Variants in CCDC171 observed in about 807,000 individuals in gnomAD.
CCDC171 encodes coiled-coil domain containing 171, also known as coiled-coil domain-containing protein 171.
In CCDC171, 177 loss-of-function variants were observed where a neutral mutation model predicts 168.2. That is an observed-to-expected ratio of 1.05 (90% confidence interval 0.93 to 1.19). CCDC171 has a LOEUF of 1.19. CCDC171 is among the 50% of genes most tolerant of loss of function. CCDC171 has a pLI of 0.00. For missense variants in CCDC171, 1,991 were observed against 1,539.0 expected (o/e 1.29, Z -4.91); for synonymous variants, 687 against 540.8 (o/e 1.27, Z -3.75).
rs144170064 is a variant in CCDC171, at chr9:15,738,052, T to C, written c.2050-6221T>C. Among the ~76,000 whole-genome samples, 222 of 152,336 alleles carry C rather than the reference T, an allele frequency of 1.5e-3. 1 individual carries two copies. The East Asian group carries it at 0.021, about 15-fold the overall frequency. On this transcript the variant is annotated intron_variant, in intron 16 of 25. Coordinates refer to ENST00000380701, the MANE Select transcript of CCDC171 (RefSeq NM_173550.4). ...TTAAAAAGGCAAGATATGAAACTTA[T>C]AAAAATAAGACACTTTAAATGAAGT...
chr9:15,664,238 C>T (rs534565451), intron 8 of CCDC171, among the ~76,000 whole-genome samples: 4 of 152,192 alleles, frequency 2.6e-5, no homozygotes, highest in Non-Finnish European at 4.4e-5. Flanking sequence ...AACAAAACTA[C>T]ACTTTTACAC....
chr9:15,692,975 A>G (rs1348639037), intron 10 of CCDC171, among the ~76,000 whole-genome samples: 3 of 152,016 alleles, frequency 2.0e-5, no homozygotes, highest in Non-Finnish European at 4.4e-5. Flanking sequence ...CTTCTCTACT[A>G]GAAATACAAA....
chr9:16,022,068 C>T (rs367976165), intron 4 of CCDC171, among the ~76,000 whole-genome samples: 131 of 152,242 alleles, frequency 8.6e-4, no homozygotes, highest in African/African-American at 2.9e-3. Context: ...GGACAGTTTA[C>T]AGAACAAGGG....
chr9:15,743,381 A>G (rs2055030484), intron 16 of CCDC171, among the ~76,000 whole-genome samples: 1 of 151,862 alleles, frequency 6.6e-6, no homozygotes, highest in Non-Finnish European at 1.5e-5. Context: ...TATGTTGCCC[A>G]GGATGGTCTC....
At chr9:15,685,461 T>C (rs1042115369) in intron 10 of CCDC171, among the ~76,000 whole-genome samples, 2 of 151,822 alleles carry the variant, frequency 1.3e-5, no homozygotes, top group Non-Finnish European at 2.9e-5. Flanking sequence ...GAGACTCCCA[T>C]ATCTACAAAA....
At chr9:15,918,410 G>A in intron 24 of CCDC171, among the ~76,000 whole-genome samples, 1 of 141,856 alleles carries the variant, frequency 7.0e-6, no homozygotes, top group African/African-American at 2.5e-5. Context: ...ACATAGAGTT[G>A]AATCAAAGTA....
chr9:15,709,705 A>G (rs976924794), intron 11 of CCDC171, among the ~76,000 whole-genome samples: 2 of 152,194 alleles, frequency 1.3e-5, no homozygotes, highest in South Asian at 2.1e-4. Context: ...TGTGTTACCT[A>G]TAAGAGCAGA....
At chr9:15,566,145 G>T (rs1405661435) in intron 2 of CCDC171, among the ~76,000 whole-genome samples, 1 of 150,762 alleles carries the variant, frequency 6.6e-6, no homozygotes, top group Non-Finnish European at 1.5e-5. Context: ...GGTAATTCAT[G>T]TATCTTCATT....
chr9:15,703,540 C>G (rs540360974), intron 11 of CCDC171, among the ~76,000 whole-genome samples: 12 of 152,282 alleles, frequency 7.9e-5, no homozygotes, highest in African/African-American at 2.9e-4. Flanking sequence ...GCTTATTTCA[C>G]TTAACATAAT....
chr9:15,614,978 G>C (rs909889292), intron 6 of CCDC171, among the ~76,000 whole-genome samples: 5 of 152,118 alleles, frequency 3.3e-5, no homozygotes, highest in African/African-American at 1.2e-4. Context: ...AAACATTAAA[G>C]GAGCTAATAA....
At chr9:15,886,951 CAG>C (rs1819506391) in intron 24 of CCDC171, 1 of 151,978 alleles carries the variant, frequency 6.6e-6, no homozygotes, top group African/African-American at 2.4e-5. Flanking sequence ...CTCACAGAAA[CAG>C]AGTAGAAGGT....
chr9:15,837,348 C>G (rs1458936338), intron 21 of CCDC171, among the ~76,000 whole-genome samples: 1 of 152,082 alleles, frequency 6.6e-6, no homozygotes, highest in East Asian at 1.9e-4. Context: ...ACAGAGGGAT[C>G]AGAAGTGTAA....
intron 12 of CCDC171, 50 bp from the exon 13 acceptor site, chr9:15,723,631 A>G (rs749016603): frequency 7.2e-7 from 1 of 1,390,218 alleles, no homozygotes; most frequent in Non-Finnish European, 1.0e-6. Flanking sequence ...AAATGTAAAA[A>G]AGTTACTTAT....
At chr9:15,662,782 C>A (rs2048413583) in intron 8 of CCDC171, among the ~76,000 whole-genome samples, 1 of 151,924 alleles carries the variant, frequency 6.6e-6, no homozygotes, top group African/African-American at 2.4e-5. Flanking sequence ...TCGGGACCAG[C>A]CTGGCCAACA....
intron 3 of CCDC171, among the ~76,000 whole-genome samples, chr9:16,005,196 A>G (rs1256060426): frequency 1.3e-5 from 2 of 152,224 alleles, no homozygotes; most frequent in Non-Finnish European, 2.9e-5. Context: ...CCATTAATCT[A>G]CATTCTATCT....
intron 2 of CCDC171, 78 bp downstream of exon 2, chr9:15,564,207 C>G (rs2039543103): frequency 9.4e-7 from 1 of 1,059,482 alleles, no homozygotes; most frequent in Admixed American, 2.2e-5. Context: ...GGTTGTAGAG[C>G]TAACTGTAAG....
intron 25 of CCDC171, among the ~76,000 whole-genome samples, chr9:15,966,592 T>C (rs996079708): frequency 2.0e-5 from 3 of 152,222 alleles, no homozygotes; most frequent in Non-Finnish European, 4.4e-5. Context: ...TAATATATTC[T>C]ACCTCTTTTT....
chr9:15,756,628 T>TGCGG (rs1256418651), intron 18 of CCDC171, among the ~76,000 whole-genome samples: 1 of 152,186 alleles, frequency 6.6e-6, no homozygotes, highest in African/African-American at 2.4e-5. Context: ...AGTAAAAACA[T>TGCGG]GCGGTATTTG....
chr9:15,678,718 G>C, intron 9 of CCDC171, 40 bp from the exon 10 acceptor site: 1 of 1,541,212 alleles, frequency 6.5e-7, no homozygotes, highest in Non-Finnish European at 8.7e-7. Context: ...GTTGATGTAA[G>C]CATGTTTGAA....
Sources: gnomAD v4.1 joint callset for allele counts (sites outside exome capture counted in the v4.1 genomes callset) on GRCh38, gnomAD v4.1.1 for gene constraint, MANE v1.5 for transcripts, NCBI Gene and HGNC (gene_info 2026-07-23, HGNC 2026-07-21) for gene names.